Variants in RAD51B observed in about 807,000 individuals in gnomAD.
RAD51B encodes RAD51 paralog B.
A neutral mutation model predicts 42.2 loss-of-function variants in RAD51B; 38 were observed. The ratio of observed to expected loss-of-function variants is 0.90; its 90% CI spans 0.70 to 1.18. The LOEUF is 1.18. Among genes scored for constraint, RAD51B ranks in the 50% most tolerant of loss-of-function variants. The pLI is 0.00. For synonymous variants in RAD51B, 154 were observed against 145.2 expected (o/e 1.06, Z -0.43); for missense variants, 373 against 400.7 (o/e 0.93, Z 0.59).
intron 8 of RAD51B, among the ~76,000 whole-genome samples, chr14:68,333,846 C>T (rs1377479745): frequency 1.3e-5 from 2 of 152,150 alleles, no homozygotes; most frequent in African/African-American, 4.8e-5. Context: ...ACCATAGACA[C>T]CTTGCTCTTT....
intron 8 of RAD51B, among the ~76,000 whole-genome samples, chr14:68,325,495 CTTGA>C (rs1243289973): frequency 1.3e-5 from 2 of 151,906 alleles, no homozygotes; most frequent in African/African-American, 4.8e-5. Context: ...TGTAGAACAT[CTTGA>C]TTAAGAGTAT....
chr14:68,330,980 A>G (rs960052848), intron 8 of RAD51B, among the ~76,000 whole-genome samples: 4 of 152,180 alleles, frequency 2.6e-5, no homozygotes, highest in African/African-American at 9.7e-5. Context: ...GATCCAGAGA[A>G]TACAAACCAA....
chr14:68,364,285 A>G (rs2083094272), intron 8 of RAD51B, among the ~76,000 whole-genome samples: 1 of 152,180 alleles, frequency 6.6e-6, no homozygotes, highest in South Asian at 2.1e-4. Context: ...ACACCCGTGA[A>G]ACAGAGGGAG....
At chr14:68,170,195 A>G (rs1333963326) in intron 7 of RAD51B, among the ~76,000 whole-genome samples, 2 of 152,186 alleles carry the variant, frequency 1.3e-5, no homozygotes, top group South Asian at 2.1e-4. Flanking sequence ...TTTATTTCCT[A>G]GGAAAATGTT....
chr14:68,135,881 A>G (rs528865857), intron 7 of RAD51B, among the ~76,000 whole-genome samples: 1 of 152,348 alleles, frequency 6.6e-6, no homozygotes, highest in East Asian at 1.9e-4. Context: ...AAGATTCTAA[A>G]TATGAGATTC....
intron 10 of RAD51B, chr14:68,540,928 G>A (rs1887929932): frequency 1.0e-6 from 1 of 985,326 alleles, no homozygotes. Context: ...TGGAAAGAGA[G>A]GCAGGGCATG....
chr14:68,186,016 C>T (rs953744658), intron 7 of RAD51B, among the ~76,000 whole-genome samples: 3 of 152,172 alleles, frequency 2.0e-5, no homozygotes, highest in African/African-American at 7.2e-5. Context: ...GAAGCAAACA[C>T]ATTAACCAGT....
intron 7 of RAD51B, among the ~76,000 whole-genome samples, chr14:68,187,378 A>G (rs2079179611): frequency 6.6e-6 from 1 of 152,216 alleles, no homozygotes; most frequent in Admixed American, 6.5e-5. Context: ...AAAAAGAAAA[A>G]AAAAAGAACT....
intron 10 of RAD51B, among the ~76,000 whole-genome samples, chr14:68,578,161 C>A (rs1174059538): frequency 6.6e-6 from 1 of 152,142 alleles, no homozygotes; most frequent in African/African-American, 2.4e-5. Context: ...CGCGGTGGCT[C>A]ATGCCTGTAA....
At chr14:68,393,144 G>T (rs546783620) in intron 8 of RAD51B, among the ~76,000 whole-genome samples, 1 of 152,160 alleles carries the variant, frequency 6.6e-6, no homozygotes, top group Non-Finnish European at 1.5e-5. Flanking sequence ...AAGAGGAGGG[G>T]GTGAGCTCCG....
chr14:68,446,019 G>A (rs916273189), intron 9 of RAD51B, among the ~76,000 whole-genome samples: 1 of 152,180 alleles, frequency 6.6e-6, no homozygotes, highest in Non-Finnish European at 1.5e-5. Context: ...TTATAGCTAT[G>A]CAACTTTCTT....
chr14:68,052,160 C>G (rs1406483325), intron 7 of RAD51B, among the ~76,000 whole-genome samples: 1 of 152,154 alleles, frequency 6.6e-6, no homozygotes, highest in Non-Finnish European at 1.5e-5. Flanking sequence ...CTTGAAGTAA[C>G]TTACAAACAA....
intron 8 of RAD51B, among the ~76,000 whole-genome samples, chr14:68,308,227 T>C (rs1365049855): frequency 6.6e-6 from 1 of 152,198 alleles, no homozygotes; most frequent in East Asian, 1.9e-4. Flanking sequence ...AATTCTTCCA[T>C]TATATTTGCT....
intron 7 of RAD51B, among the ~76,000 whole-genome samples, chr14:68,069,921 C>A (rs954506197): frequency 2.6e-5 from 4 of 152,102 alleles, no homozygotes; most frequent in Non-Finnish European, 5.9e-5. Flanking sequence ...ACAAGCATTC[C>A]CTTTCCTCTG....
intron 7 of RAD51B, among the ~76,000 whole-genome samples, chr14:67,985,484 C>A (rs1370984462): frequency 6.6e-6 from 1 of 152,112 alleles, no homozygotes; most frequent in Non-Finnish European, 1.5e-5. Flanking sequence ...CCCTTTATGA[C>A]CTTTATAGCA....
intron 10 of RAD51B, among the ~76,000 whole-genome samples, chr14:68,523,332 G>C (rs1886710678): frequency 6.6e-6 from 1 of 152,370 alleles, no homozygotes; most frequent in South Asian, 2.1e-4. Flanking sequence ...AAGGCGCAGA[G>C]TGGAAAGTGG....
chr14:68,585,682 C>A (rs898692884), intron 10 of RAD51B, among the ~76,000 whole-genome samples: 1 of 152,112 alleles, frequency 6.6e-6, no homozygotes, highest in Non-Finnish European at 1.5e-5. Flanking sequence ...TTCCTCCCCA[C>A]CCCGACCCCG....
chr14:68,006,906 A>G (rs2075600830), intron 7 of RAD51B, among the ~76,000 whole-genome samples: 1 of 152,122 alleles, frequency 6.6e-6, no homozygotes, highest in Non-Finnish European at 1.5e-5. Flanking sequence ...AAAATTCACC[A>G]TTTTAAAGTG....
At chr14:68,544,256 C>T (rs574811032) in intron 10 of RAD51B, among the ~76,000 whole-genome samples, 12 of 152,252 alleles carry the variant, frequency 7.9e-5, no homozygotes, top group African/African-American at 2.4e-4. Context: ...CTCTGAAGGC[C>T]GCCTACGCAT....
Sources: gnomAD v4.1 joint callset for allele counts (sites outside exome capture counted in the v4.1 genomes callset) on GRCh38, gnomAD v4.1.1 for gene constraint, MANE v1.5 for transcripts, NCBI Gene and HGNC (gene_info 2026-07-23, HGNC 2026-07-21) for gene names.